BANK1: variants seen among roughly 807,000 people sequenced by gnomAD.
BANK1 encodes the protein B-cell scaffold protein with ankyrin repeats.
In BANK1, 95 loss-of-function variants were observed where a neutral mutation model predicts 94.5. The ratio of observed to expected loss-of-function variants is 1.00; its 90% confidence interval spans 0.85 to 1.19. The LOEUF (loss-of-function observed/expected upper bound fraction) is 1.19, where lower values mean the gene tolerates loss of function less well. Ranked by LOEUF, BANK1 falls within the 50% of genes most tolerant of loss-of-function variation. The probability of loss-of-function intolerance (pLI) is 0.00; values close to 1 mark genes in which losing one functional copy is unlikely to be tolerated. For missense variants in BANK1, 987 were observed against 932.2 expected (o/e 1.06, Z -0.77); for synonymous variants, 334 against 308.4 (o/e 1.08, Z -0.87).
chr4:101,852,503 T>TATATAC (rs1448887346), intron 2 of BANK1, among the ~76,000 whole-genome samples: 35 of 80,172 alleles, frequency 4.4e-4, no homozygotes, highest in South Asian at 1.5e-3. Flanking sequence ...TATATATATA[T>TATATAC]ACACACACAC....
At chr4:102,026,983 GATTC>G (rs1422170062) in intron 9 of BANK1, among the ~76,000 whole-genome samples, 1 of 152,066 alleles carries the variant, frequency 6.6e-6, no homozygotes, top group Non-Finnish European at 1.5e-5. Flanking sequence ...ATATTCCTCT[GATTC>G]ATTCATTCAT....
Position 101,871,009 on chromosome 4 carries a change from C to T in BANK1, c.903+365C>T, listed in dbSNP as rs558880449. Among the ~76,000 whole-genome samples, 35 of 152,148 alleles carry T rather than the reference C, an allele frequency of 2.3e-4. No homozygotes were observed. The South Asian group carries it at 6.2e-3, about 27-fold the overall frequency. ...ACACAAAGTAAAATGAAAGTCTAAT[C>T]ATCTGTCTCATGCTTTGAGATTAAG... On this transcript the variant is annotated intron_variant, in intron 5 of 16. Transcript: ENST00000322953.
chr4:101,920,902 C>G (rs1722979698), intron 7 of BANK1, among the ~76,000 whole-genome samples: 1 of 151,386 alleles, frequency 6.6e-6, no homozygotes, highest in African/African-American at 2.4e-5. Flanking sequence ...GGCACCATGT[C>G]TTATTGTTAG....
chr4:101,987,806 A>G (rs1478953901), intron 7 of BANK1, among the ~76,000 whole-genome samples: 2 of 152,212 alleles, frequency 1.3e-5, no homozygotes, highest in Non-Finnish European at 2.9e-5. Context: ...TTCTGAACCT[A>G]TGGTATCATT....
intron 6 of BANK1, among the ~76,000 whole-genome samples, chr4:101,914,283 A>T (rs1040424727): frequency 2.0e-5 from 3 of 152,000 alleles, no homozygotes; most frequent in Non-Finnish European, 4.4e-5. Flanking sequence ...TAAGTCATAG[A>T]CTTGAATGGT....
intron 11 of BANK1, among the ~76,000 whole-genome samples, chr4:102,046,750 C>A (rs893990549): frequency 6.6e-6 from 1 of 152,144 alleles, no homozygotes; most frequent in Admixed American, 6.6e-5. Context: ...AGAATATTTT[C>A]TGCCTCCAGT....
chr4:101,879,507 T>C (rs575068120), intron 5 of BANK1, among the ~76,000 whole-genome samples: 111 of 152,172 alleles, frequency 7.3e-4, no homozygotes, highest in African/African-American at 2.5e-3. Flanking sequence ...AGCTGAATTA[T>C]AGCAAATACT....
intron 6 of BANK1, among the ~76,000 whole-genome samples, chr4:101,908,667 G>A (rs1214931467): frequency 2.6e-5 from 4 of 151,980 alleles, no homozygotes; most frequent in Admixed American, 6.5e-5. Context: ...TCTGACAAAC[G>A]GTTAATATCC....
At chr4:101,829,012 A>C (rs1478922278) in intron 1 of BANK1, among the ~76,000 whole-genome samples, 2 of 151,820 alleles carry the variant, frequency 1.3e-5, no homozygotes, top group Non-Finnish European at 2.9e-5. Context: ...ACAGGCACCC[A>C]CCACCACACC....
intron 2 of BANK1, among the ~76,000 whole-genome samples, chr4:101,851,546 G>A (rs529312939): frequency 2.6e-5 from 4 of 152,310 alleles, no homozygotes; most frequent in African/African-American, 9.6e-5. Context: ...AGAGTAGAAG[G>A]AGAGGGGAAG....
At chr4:101,949,849 A>G (rs905379327) in intron 7 of BANK1, among the ~76,000 whole-genome samples, 1 of 152,160 alleles carries the variant, frequency 6.6e-6, no homozygotes, top group African/African-American at 2.4e-5. Context: ...CTTTATCAAT[A>G]AGTACATGTC....
At chr4:101,813,991 TA>T (rs1725809910) in intron 1 of BANK1, 1 of 645,836 alleles carries the variant, frequency 1.5e-6, no homozygotes, top group Admixed American at 6.3e-5. Flanking sequence ...TTACCATTGA[TA>T]CGTATGATAT....
intron 7 of BANK1, among the ~76,000 whole-genome samples, chr4:101,953,988 A>T (rs1431917749): frequency 6.6e-6 from 1 of 152,078 alleles, no homozygotes; most frequent in Non-Finnish European, 1.5e-5. Context: ...TCTGAAATCA[A>T]GGTGTGTCTG....
At chr4:101,814,364 T>G (rs1725827748) in intron 1 of BANK1, among the ~76,000 whole-genome samples, 1 of 152,182 alleles carries the variant, frequency 6.6e-6, no homozygotes, top group Non-Finnish European at 1.5e-5. Context: ...GCTTACTGTC[T>G]TTTTTCCACC....
intron 7 of BANK1, among the ~76,000 whole-genome samples, chr4:101,954,929 C>A (rs1052605809): frequency 2.6e-5 from 4 of 152,138 alleles, no homozygotes; most frequent in Admixed American, 2.6e-4. Context: ...CAAGGTATGG[C>A]TTGTAGAGGC....
At chr4:101,797,463 T>G (rs1056691841) in intron 1 of BANK1, among the ~76,000 whole-genome samples, 3 of 152,192 alleles carry the variant, frequency 2.0e-5, no homozygotes, top group Non-Finnish European at 4.4e-5. Flanking sequence ...TGAGCTGCTC[T>G]TGATACAATT....
chr4:102,006,780 G>C (rs965067011), intron 7 of BANK1, among the ~76,000 whole-genome samples: 3 of 151,096 alleles, frequency 2.0e-5, no homozygotes, highest in Non-Finnish European at 4.4e-5. Context: ...GGCCCTTACT[G>C]TAATTTTATC....
At chr4:101,935,773 A>T (rs1172301174) in intron 7 of BANK1, among the ~76,000 whole-genome samples, 1 of 151,528 alleles carries the variant, frequency 6.6e-6, no homozygotes, top group Non-Finnish European at 1.5e-5. Flanking sequence ...ATCTACAGTG[A>T]ACTCATTTTT....
At chr4:101,979,049 G>A (rs1160457711) in intron 7 of BANK1, among the ~76,000 whole-genome samples, 1 of 151,882 alleles carries the variant, frequency 6.6e-6, no homozygotes, top group Non-Finnish European at 1.5e-5. Flanking sequence ...AAGAGTATAG[G>A]ACATGCATAA....
Sources: allele counts gnomAD v4.1 joint callset (sites outside exome capture counted in the v4.1 genomes callset), GRCh38; gene constraint gnomAD v4.1.1; transcripts MANE v1.5; gene names NCBI Gene and HGNC (gene_info 2026-07-23, HGNC 2026-07-21).